Variants in KAZN observed in about 807,000 individuals in gnomAD.
KAZN encodes kazrin.
Under a neutral mutation model 87.4 loss-of-function variants are expected in KAZN, and 40 were observed. The observed-to-expected ratio is 0.46, with a 90% CI of 0.36 to 0.60. KAZN has a LOEUF of 0.60. Ranked by LOEUF, KAZN falls within the 20% of genes least tolerant of loss-of-function variation. The pLI is 0.00. For missense variants in KAZN, 898 were observed against 1,073.9 expected (o/e 0.84, Z 2.29); for synonymous variants, 466 against 458.3 (o/e 1.02, Z -0.22).
Position 14,980,875 on chromosome 1 carries a change from G to A in KAZN, c.418+20000G>A, listed in dbSNP as rs1666177425. Among the ~76,000 whole-genome samples the A allele has an allele frequency of 2.6e-5, 4 of 152,088 alleles. No homozygotes were observed. The South Asian group carries it at 8.3e-4, about 32-fold the overall frequency. Reference sequence around the variant, plus strand: ...GGAAAAATGAGGGAGGCAGGAGGGGGAGGTGGGGTGGCTGGAGGAGGCTGG... The same window carrying A: ...GGAAAAATGAGGGAGGCAGGAGGGGAAGGTGGGGTGGCTGGAGGAGGCTGG... On this transcript the variant is annotated intron_variant, in intron 2 of 14. Coordinates refer to ENST00000376030, the MANE Select transcript of KAZN (RefSeq NM_201628.3).
intron 4 of KAZN, among the ~76,000 whole-genome samples, chr1:15,048,795 T>C (rs1319783755): frequency 5.3e-5 from 8 of 150,216 alleles, no homozygotes; most frequent in Admixed American, 2.0e-4. Flanking sequence ...CCTTGGTCAT[T>C]GGTCCTGAGT....
chr1:13,896,437 G>A (rs1485721178), intron 1 of KAZN, among the ~76,000 whole-genome samples: 1 of 152,168 alleles, frequency 6.6e-6, no homozygotes, highest in East Asian at 1.9e-4. Context: ...CCACAGGCAT[G>A]TACCACCATT....
intron 2 of KAZN, among the ~76,000 whole-genome samples, chr1:14,569,320 C>CTTTTTTTTTTTTTTTTTTT (rs35144232): frequency 5.4e-5 from 5 of 92,320 alleles, no homozygotes; most frequent in South Asian, 4.2e-4. Context: ...ACTTCCTCTG[C>CTTTTTTTTTTTTTTTTTTT]TTTTTTTTTT....
intron 1 of KAZN, among the ~76,000 whole-genome samples, chr1:14,144,742 G>A (rs1028556322): frequency 6.6e-6 from 1 of 152,210 alleles, no homozygotes; most frequent in Non-Finnish European, 1.5e-5. Context: ...TTAACTCACA[G>A]TAGAAAGTGG....
chr1:15,086,957 G>A (rs1020618441), intron 8 of KAZN, among the ~76,000 whole-genome samples: 2 of 152,236 alleles, frequency 1.3e-5, no homozygotes, highest in Admixed American at 1.3e-4. Flanking sequence ...CAGGAGATCT[G>A]GGGTACAGTT....
At chr1:14,805,806 A>T (rs1021285209) in intron 1 of KAZN, among the ~76,000 whole-genome samples, 130 of 148,742 alleles carry the variant, frequency 8.7e-4, no homozygotes, top group Non-Finnish European at 1.7e-3. Flanking sequence ...AATAATAATA[A>T]ATTAAAATCT....
chr1:15,110,041 G>GTATA (rs138104181), intron 13 of KAZN, among the ~76,000 whole-genome samples: 1 of 150,900 alleles, frequency 6.6e-6, no homozygotes, highest in African/African-American at 2.4e-5. Flanking sequence ...GTGTATGTGT[G>GTATA]TATATATATA....
chr1:14,009,278 C>T (rs149664127), intron 1 of KAZN, among the ~76,000 whole-genome samples: 2,460 of 152,282 alleles, frequency 0.016, 36 homozygotes, highest in Middle Eastern at 0.031. Context: ...CATATGTACA[C>T]GTAAGTCTTT....
intron 1 of KAZN, among the ~76,000 whole-genome samples, chr1:14,828,624 C>T (rs61772310): frequency 0.049 from 7,431 of 152,224 alleles, 252 homozygotes; most frequent in Admixed American, 0.11. Flanking sequence ...AAGGAAGAAA[C>T]TACATCCATT....
chr1:14,231,856 A>G (rs1240730569), intron 2 of KAZN, among the ~76,000 whole-genome samples: 2 of 152,188 alleles, frequency 1.3e-5, no homozygotes, highest in African/African-American at 4.8e-5. Context: ...CCTGATCAGC[A>G]AATAACTTTC....
chr1:14,083,528 T>C (rs1399878043), intron 1 of KAZN, among the ~76,000 whole-genome samples: 1 of 152,234 alleles, frequency 6.6e-6, no homozygotes, highest in Non-Finnish European at 1.5e-5. Flanking sequence ...GTGACTAGCA[T>C]GGTGCCTGGC....
intron 1 of KAZN, among the ~76,000 whole-genome samples, chr1:13,972,077 C>T (rs1193748123): frequency 2.0e-5 from 3 of 152,104 alleles, no homozygotes; most frequent in African/African-American, 7.2e-5. Flanking sequence ...ACATGACTTC[C>T]AAACACATGG....
intron 1 of KAZN, among the ~76,000 whole-genome samples, chr1:14,146,638 C>T (rs1168210169): frequency 1.3e-5 from 2 of 148,588 alleles, no homozygotes; most frequent in African/African-American, 2.5e-5. Context: ...TTTATTTTAT[C>T]CTCAGAATTG....
chr1:14,400,500 C>G (rs778544001), intron 2 of KAZN, among the ~76,000 whole-genome samples: 1 of 152,172 alleles, frequency 6.6e-6, no homozygotes, highest in Non-Finnish European at 1.5e-5. Context: ...GATCTGGGAT[C>G]AGAACCCAGC....
chr1:14,886,300 G>C (rs1157111801), intron 1 of KAZN, among the ~76,000 whole-genome samples: 1 of 152,100 alleles, frequency 6.6e-6, no homozygotes, highest in Non-Finnish European at 1.5e-5. Context: ...ACATGCACCC[G>C]TAGCCCTAGC....
chr1:14,531,516 G>A (rs139561585), intron 2 of KAZN, among the ~76,000 whole-genome samples: 1 of 152,170 alleles, frequency 6.6e-6, no homozygotes, highest in African/African-American at 2.4e-5. Flanking sequence ...TTGGCTTTGG[G>A]AAGGCTCTCA....
Position 14,131,018 on chromosome 1 carries a change from C to T in KAZN, c.92-49417C>T, listed in dbSNP as rs1314555133. On this transcript the variant is annotated intron_variant, in intron 1 of 16. Coordinates refer to the KAZN transcript ENST00000636203. The stretch of plus-strand genomic sequence containing the variant: ...TCGGCTCCTGGTTTTGCAGGCTGTA[C>T]AGGTTTCTGCTTCTAGGGAGGCCTC... Among the ~76,000 whole-genome samples, 7 of 152,280 alleles carry T rather than the reference C, an allele frequency of 4.6e-5. No homozygotes were observed. In the East Asian group the frequency reaches 1.3e-3, roughly 29 times the overall value.
chr1:14,789,897 A>G (rs377630452), intron 1 of KAZN, among the ~76,000 whole-genome samples: 2 of 151,746 alleles, frequency 1.3e-5, no homozygotes, highest in Admixed American at 6.6e-5. Context: ...AGTAGATGAC[A>G]TCTCCTAACC....
intron 2 of KAZN, among the ~76,000 whole-genome samples, chr1:14,488,301 G>C (rs902332054): frequency 3.3e-5 from 5 of 152,256 alleles, no homozygotes; most frequent in Non-Finnish European, 5.9e-5. Context: ...GGGGAGAGAG[G>C]AAGAAAGACA....
Sources: allele counts gnomAD v4.1 joint callset (sites outside exome capture counted in the v4.1 genomes callset), GRCh38; gene constraint gnomAD v4.1.1; transcripts MANE v1.5; gene names NCBI Gene and HGNC (gene_info 2026-07-23, HGNC 2026-07-21).